CORO7: variants seen among roughly 807,000 people sequenced by gnomAD.
CORO7 encodes coronin 7.
Under a neutral mutation model 126.6 loss-of-function variants are expected in CORO7, and 107 were observed. That is an observed-to-expected ratio of 0.85 (90% confidence interval 0.72 to 0.99). The LOEUF is 0.99. Ranked by LOEUF, CORO7 falls within the 50% of genes least tolerant of loss-of-function variation. The pLI, the probability that CORO7 is intolerant of heterozygous loss-of-function variation, is 0.00. For missense variants in CORO7, 1,314 were observed against 1,255.8 expected (o/e 1.05, Z -0.70); for synonymous variants, 603 against 536.8 (o/e 1.12, Z -1.70).
At chr16:4,413,255 G>A in intron 2 of CORO7, 53 bp downstream of exon 2, 1 of 1,518,446 alleles carries the variant, frequency 6.6e-7, no homozygotes. Flanking sequence ...CCCATCTATG[G>A]TGACGATGAC....
chr16:4,412,161 C>G (rs752409821), intron 3 of CORO7, among the ~76,000 whole-genome samples, 195 bp downstream of exon 3: 1 of 152,042 alleles, frequency 6.6e-6, no homozygotes, highest in Non-Finnish European at 1.5e-5. Flanking sequence ...AGCTTCCCTC[C>G]TCACTGCCCA....
chr16:4,381,769 A>G (rs770871232), intron 9 of CORO7: 1 of 1,601,478 alleles, frequency 6.2e-7, no homozygotes, highest in Non-Finnish European at 8.5e-7. Flanking sequence ...AGCTGCCCGC[A>G]ACCCCTTCAA....
chr16:4,356,908 A>C, intron 26 of CORO7: 1 of 546,362 alleles, frequency 1.8e-6, no homozygotes, highest in Non-Finnish European at 3.3e-6. Flanking sequence ...CCAAGGTCCC[A>C]AAAGCACTTG....
intron 6 of CORO7, among the ~76,000 whole-genome samples, chr16:4,398,317 C>G (rs2055674116): frequency 6.6e-6 from 1 of 152,100 alleles, no homozygotes; most frequent in Non-Finnish European, 1.5e-5. Context: ...AAATCCAAAC[C>G]ACAGTAAGAT....
intron 23 of CORO7, 82 bp downstream of exon 23, chr16:4,359,213 GC>G: frequency 7.0e-7 from 1 of 1,422,154 alleles, no homozygotes; most frequent in Non-Finnish European, 9.4e-7. Context: ...CGACCCACAG[GC>G]TCCTGTACTT....
intron 6 of CORO7, among the ~76,000 whole-genome samples, chr16:4,401,276 G>T (rs2141299851): frequency 6.6e-6 from 1 of 152,378 alleles, no homozygotes; most frequent in Non-Finnish European, 1.5e-5. Flanking sequence ...CGTTGGGGGA[G>T]GAGAGGCCAC....
chr16:4,357,829 CTGAT>C, intron 25 of CORO7, 135 bp downstream of exon 25: 1 of 1,435,752 alleles, frequency 7.0e-7, no homozygotes, highest in South Asian at 1.4e-5. Flanking sequence ...GGCTCAGAGA[CTGAT>C]TGACACAGCC....
At chr16:4,388,833 G>A (rs1479660682) in intron 7 of CORO7, among the ~76,000 whole-genome samples, 2 of 152,132 alleles carry the variant, frequency 1.3e-5, no homozygotes, top group African/African-American at 4.8e-5. Flanking sequence ...CCCCGCCTCC[G>A]CCCCAGTTGA....
At chr16:4,382,504 G>A in intron 9 of CORO7, 1 of 1,593,160 alleles carries the variant, frequency 6.3e-7, no homozygotes, top group Non-Finnish European at 8.5e-7. Flanking sequence ...GCCCGGGCGG[G>A]TGCCGGAGGG....
chr16:4,357,440 C>T (rs2054013547), intron 25 of CORO7, 181 bp from the exon 26 acceptor site: 6 of 601,322 alleles, frequency 1.0e-5, no homozygotes, highest in Non-Finnish European at 1.6e-5. Flanking sequence ...TGACTGCAAC[C>T]TCCGCCTCCT....
intron 9 of CORO7, chr16:4,381,564 G>A (rs1199256103): frequency 1.0e-5 from 16 of 1,605,356 alleles, no homozygotes; most frequent in East Asian, 9.0e-5. Context: ...ACCAGCTGGA[G>A]CGAGTGCCAC....
In CORO7 at chr16:4,416,542, C is replaced by A; in HGVS notation, c.-24G>T. ...ATGGCGACGGGCACGGCGGCGGACG[C>A]GTCTTCGAGGACCCCGGGCGTCGGG... On this transcript the variant is annotated 5_prime_UTR_variant, in exon 1 of 28. Coordinates refer to ENST00000251166, the MANE Select transcript of CORO7 (RefSeq NM_024535.5). 6.4e-7 allele frequency: 1 copy of A among 1,570,542 alleles called. No individual in the cohort carries two copies. The highest frequency in any genetic ancestry group is 8.6e-7 in the Non-Finnish European group (1 of 1,162,078).
chr16:4,356,999 A>G lies in CORO7; in HGVS notation c.2685+169T>C, dbSNP rs1314732577. The G allele has an allele frequency of 4.4e-6, 4 of 917,224 alleles. No individual in the cohort carries two copies. The African/African-American group carries it at 6.7e-5, about 15-fold the overall frequency. 56.8% of individuals were successfully genotyped at this position (917,224 alleles called of 1,614,324 possible). ...TGCCCTCCCCCACTTCCCGGGCCCC[A>G]TGGTCAGTGGTAGGGCTCTGGAAGG... On this transcript the variant is annotated intron_variant, in intron 26 of 27. Transcript: ENST00000251166.
chr16:4,360,658 T>TC, intron 19 of CORO7, 110 bp from the exon 20 acceptor site: 1 of 1,342,246 alleles, frequency 7.5e-7, no homozygotes, highest in Non-Finnish European at 1.0e-6. Flanking sequence ...TCACTGCTGT[T>TC]CCCGCCTCTC....
intron 21 of CORO7, among the ~76,000 whole-genome samples, chr16:4,359,852 CT>C (rs1011653246): frequency 1.3e-5 from 2 of 151,654 alleles, no homozygotes; most frequent in African/African-American, 4.9e-5. Context: ...CTCACCGCCC[CT>C]GCTTCCATCT....
intron 9 of CORO7, among the ~76,000 whole-genome samples, chr16:4,366,535 C>CTTTTTT (rs544549233): frequency 1.7e-5 from 2 of 114,398 alleles, no homozygotes; most frequent in Admixed American, 9.3e-5. Flanking sequence ...CTGATCTTTG[C>CTTTTTT]TTTTTTTTTT....
At position 4,356,956 on chromosome 16, in the gene CORO7, CCAGGG is replaced by C. The variant is rs199799755; in HGVS notation, c.2685+207_2685+211del. 229 of 662,830 alleles carry C rather than the reference CCAGGG, an allele frequency of 3.5e-4. 2 individuals are homozygous for C. In the East Asian group the frequency reaches 4.5e-3, roughly 13 times the overall value. The allele number at this position is 662,830 out of a possible 1,614,324, so 41.1% of individuals were successfully genotyped here. On this transcript the variant is annotated intron_variant, in intron 26 of 27. Coordinates refer to ENST00000251166, the MANE Select transcript of CORO7 (RefSeq NM_024535.5). Reference sequence around the variant, plus strand: ...CCGGCTTAGGCTGGGTTTGGCCTGGCCAGGGCAGGGCTCCCACTGCCCTCCCCCAC... The same window carrying C: ...CCGGCTTAGGCTGGGTTTGGCCTGGCCAGGGCTCCCACTGCCCTCCCCCAC...
In CORO7 at chr16:4,404,167, G is replaced by A. The variant is rs186788679; in HGVS notation, c.564+1324C>T. Among the ~76,000 whole-genome samples the A allele has an allele frequency of 1.9e-3, 287 of 152,344 alleles. 1 individual carries two copies. The highest frequency in any genetic ancestry group is 6.6e-3 in the African/African-American group (273 of 41,586). On this transcript the variant is annotated intron_variant, in intron 6 of 27. Coordinates refer to ENST00000251166, the MANE Select transcript of CORO7 (RefSeq NM_024535.5). ...CTCCAAGTATGCAGAGCCCTGGGGC[G>A]GAATGCTCAGGTCTGGTAGGCCTCC...
At chr16:4,363,285 G>C (rs2054242318) in intron 14 of CORO7, 1 of 152,048 alleles carries the variant, frequency 6.6e-6, no homozygotes, top group South Asian at 2.1e-4. Context: ...TATAAAAATT[G>C]GCCAGGCGCG....
Sources: gnomAD v4.1 joint callset for allele counts (sites outside exome capture counted in the v4.1 genomes callset) on GRCh38, gnomAD v4.1.1 for gene constraint, MANE v1.5 for transcripts, NCBI Gene and HGNC (gene_info 2026-07-23, HGNC 2026-07-21) for gene names.